DNAAF4: variants seen among roughly 807,000 people sequenced by gnomAD.
DNAAF4 encodes the protein dynein assembly factor 4, axonemal.
Under a neutral mutation model 51.8 loss-of-function variants are expected in DNAAF4, and 43 were observed. That is an observed-to-expected ratio of 0.83 (90% CI 0.65 to 1.07). DNAAF4 has a LOEUF of 1.07. DNAAF4 is among the 50% of genes least tolerant of loss of function. DNAAF4 has a pLI of 0.00. For missense variants in DNAAF4, 581 were observed against 493.0 expected (o/e 1.18, Z -1.69); for synonymous variants, 194 against 165.6 (o/e 1.17, Z -1.32).
At position 55,453,017 on chromosome 15, in the gene DNAAF4, G is replaced by A. The variant is rs542558638; in HGVS notation, c.638-2650C>T. Among the ~76,000 whole-genome samples the A allele has an allele frequency of 1.2e-4, 18 of 152,080 alleles. No individual in the cohort carries two copies. The South Asian group carries it at 2.5e-3, about 21-fold the overall frequency. On this transcript the variant is annotated intron_variant, in intron 5 of 9. Transcript: ENST00000321149. ...ATTTTTTTGTATTTTTAGTAGACACGGGTTTCATCATGTTGGCCAGGCTGG... is the reference window on the plus strand; with the variant it reads ...ATTTTTTTGTATTTTTAGTAGACACAGGTTTCATCATGTTGGCCAGGCTGG...
At chr15:55,447,468 C>A (rs903733426) in intron 6 of DNAAF4, among the ~76,000 whole-genome samples, 2 of 151,866 alleles carry the variant, frequency 1.3e-5, no homozygotes, top group Non-Finnish European at 2.9e-5. Context: ...CATGCCACTG[C>A]ACTCCAGTCT....
Position 55,454,273 on chromosome 15 carries a change from C to T in DNAAF4, c.638-3906G>A, listed in dbSNP as rs543090031. ...CTGAGATCGTGCCACTGCACTCCAG[C>T]ATGGACAACAGAGCAAGACTCTGTC... is the stretch of plus-strand genomic sequence containing the variant. On this transcript the variant is annotated intron_variant, in intron 5 of 9. Coordinates refer to ENST00000321149, the MANE Select transcript of DNAAF4 (RefSeq NM_130810.4). Among the ~76,000 whole-genome samples, 8 of 150,960 alleles carry T rather than the reference C, an allele frequency of 5.3e-5. No homozygotes were observed. The South Asian group carries it at 1.7e-3, about 32-fold the overall frequency.
At chr15:55,495,737 T>TA (rs1457334246) in intron 3 of DNAAF4, among the ~76,000 whole-genome samples, 1 of 151,882 alleles carries the variant, frequency 6.6e-6, no homozygotes, top group Non-Finnish European at 1.5e-5. Flanking sequence ...TTCTATCTCT[T>TA]AAAAAACTCA....
At chr15:55,475,772 C>T (rs558127145) in intron 4 of DNAAF4, among the ~76,000 whole-genome samples, 1 of 152,216 alleles carries the variant, frequency 6.6e-6, no homozygotes, top group Admixed American at 6.5e-5. Flanking sequence ...AAAGGGTGGG[C>T]TCATTTCCGG....
At chr15:55,482,657 C>T (rs1439108227) in intron 4 of DNAAF4, among the ~76,000 whole-genome samples, 2 of 152,070 alleles carry the variant, frequency 1.3e-5, no homozygotes, top group Non-Finnish European at 2.9e-5. Context: ...CCAGCCTGGG[C>T]AACAGAGCAA....
At chr15:55,442,276 G>A (rs1044465243) in intron 6 of DNAAF4, among the ~76,000 whole-genome samples, 4 of 152,062 alleles carry the variant, frequency 2.6e-5, no homozygotes, top group Non-Finnish European at 4.4e-5. Context: ...ACGCCACCAT[G>A]CCCGGCTAAT....
At chr15:55,454,514 A>C (rs1156833382) in intron 5 of DNAAF4, among the ~76,000 whole-genome samples, 3 of 151,752 alleles carry the variant, frequency 2.0e-5, no homozygotes, top group Non-Finnish European at 4.4e-5. Context: ...AGTAGCTGGG[A>C]TTACAGCTAT....
chr15:55,466,780 T>C, intron 5 of DNAAF4, 150 bp downstream of exon 5: 2 of 860,086 alleles, frequency 2.3e-6, no homozygotes, highest in Admixed American at 6.1e-5. Flanking sequence ...AAAGAAGAAA[T>C]GTCTTTACTT....
intron 5 of DNAAF4, among the ~76,000 whole-genome samples, chr15:55,454,818 A>T (rs1303361247): frequency 6.6e-6 from 1 of 152,146 alleles, no homozygotes; most frequent in Non-Finnish European, 1.5e-5. Context: ...TATACTAATG[A>T]ACCCATAATA....
intron 4 of DNAAF4, among the ~76,000 whole-genome samples, chr15:55,477,345 T>C (rs1425034383): frequency 6.6e-6 from 1 of 152,168 alleles, no homozygotes; most frequent in African/African-American, 2.4e-5. Context: ...TTTTGCTTTC[T>C]ACTCTTTATT....
At chr15:55,468,440 T>C (rs1219855662) in intron 4 of DNAAF4, among the ~76,000 whole-genome samples, 1 of 152,228 alleles carries the variant, frequency 6.6e-6, no homozygotes, top group Non-Finnish European at 1.5e-5. Context: ...ATTATTACTA[T>C]ATATTCTTAG....
chr15:55,426,640 G>A (rs912083261), downstream of DNAAF4, among the ~76,000 whole-genome samples: 2 of 152,004 alleles, frequency 1.3e-5, no homozygotes, highest in African/African-American at 4.8e-5. Flanking sequence ...GGCTGGTCTC[G>A]AACCCCTGAC....
downstream of DNAAF4, among the ~76,000 whole-genome samples, chr15:55,426,994 C>G (rs756822388): frequency 6.6e-6 from 1 of 152,176 alleles, no homozygotes; most frequent in Non-Finnish European, 1.5e-5. Context: ...TATTAAGACA[C>G]GGAAATTGCA....
chr15:55,454,080 C>T (rs995938555), intron 5 of DNAAF4, among the ~76,000 whole-genome samples: 1 of 151,784 alleles, frequency 6.6e-6, no homozygotes, highest in Non-Finnish European at 1.5e-5. Flanking sequence ...ACAGGTAGAT[C>T]GCTTGAGGTC....
chr15:55,483,151 C>T (rs2058435169), intron 4 of DNAAF4, among the ~76,000 whole-genome samples: 1 of 152,064 alleles, frequency 6.6e-6, no homozygotes, highest in Non-Finnish European at 1.5e-5. Context: ...GGCTGTAGTG[C>T]AGTGGCTCAA....
Position 55,450,250 on chromosome 15 carries a change from C to G in DNAAF4, c.755G>C (p.Arg252Pro), listed in dbSNP as rs889125391. ...FTPRVFPTAL[R>P]ESQVAEEEEW... is the part of the protein sequence containing the mutation. ...CTCCTCTTCTGCTACTTGTGATTCA[C>G]GAAGAGCTGTTGGGAATACTCGAGG... Residue 252 changes from arginine to proline, a missense_variant, in exon 6 of 10, where the codon CGT becomes CCT. By Grantham distance (103) the Arg-to-Pro change is moderately radical (BLOSUM62 -2). Transcript: ENST00000321149. 5.0e-6 allele frequency: 8 copies of G among 1,612,970 alleles called. No individual in the cohort carries two copies. Among genetic ancestry groups the G allele is most frequent in the Non-Finnish European group, 6.8e-6 (8 of 1,179,814 alleles).
At chr15:55,463,677 C>T (rs2058127820) in intron 5 of DNAAF4, among the ~76,000 whole-genome samples, 1 of 152,066 alleles carries the variant, frequency 6.6e-6, no homozygotes, top group Non-Finnish European at 1.5e-5. Flanking sequence ...AGAACTCAAC[C>T]TCTTTTACAA....
chr15:55,490,033 G>A (rs1047276652), intron 4 of DNAAF4, among the ~76,000 whole-genome samples: 1 of 151,826 alleles, frequency 6.6e-6, no homozygotes. Flanking sequence ...ACCACCACGC[G>A]CGGCTGATTT....
intron 3 of DNAAF4, among the ~76,000 whole-genome samples, chr15:55,495,506 G>T (rs991202996): frequency 2.0e-5 from 3 of 152,194 alleles, no homozygotes; most frequent in Non-Finnish European, 4.4e-5. Context: ...GGAGGCCAAA[G>T]TGGGAGGATC....
Sources: allele counts gnomAD v4.1 joint callset (sites outside exome capture counted in the v4.1 genomes callset), GRCh38; gene constraint gnomAD v4.1.1; transcripts MANE v1.5; gene names NCBI Gene and HGNC (gene_info 2026-07-23, HGNC 2026-07-21).